STAU2: variants seen among roughly 807,000 people sequenced by gnomAD.
STAU2 encodes the protein staufen double-stranded RNA binding protein 2.
A neutral mutation model predicts 65.9 loss-of-function variants in STAU2; 20 were observed. That is an observed-to-expected ratio of 0.30 (90% CI 0.21 to 0.44). The LOEUF is 0.44. Among genes scored for constraint, STAU2 ranks in the 20% least tolerant of loss-of-function variants. The probability of loss-of-function intolerance (pLI) is 1.00; values close to 1 mark genes in which losing one functional copy is unlikely to be tolerated. For missense variants in STAU2, 558 were observed against 683.9 expected (o/e 0.82, Z 2.05); for synonymous variants, 232 against 233.9 (o/e 0.99, Z 0.07).
At chr8:73,427,134 G>T (rs1187710424) in intron 13 of STAU2, among the ~76,000 whole-genome samples, 1 of 151,894 alleles carries the variant, frequency 6.6e-6, no homozygotes, top group African/African-American at 2.4e-5. Flanking sequence ...CTCCATGTTG[G>T]TCAGGCTGGT....
At chr8:73,472,935 T>C (rs1408284309) in intron 13 of STAU2, among the ~76,000 whole-genome samples, 1 of 152,202 alleles carries the variant, frequency 6.6e-6, no homozygotes, top group East Asian at 1.9e-4. Flanking sequence ...TGGTGAAAAC[T>C]AGCTCAGTTA....
intron 13 of STAU2, among the ~76,000 whole-genome samples, chr8:73,453,778 C>CT (rs987356179): frequency 8.0e-5 from 12 of 150,020 alleles, no homozygotes; most frequent in Non-Finnish European, 1.6e-4. Flanking sequence ...CAAATAACAT[C>CT]TTTTTTTTAA....
At chr8:73,646,898 G>A in intron 6 of STAU2, among the ~76,000 whole-genome samples, 1 of 149,958 alleles carries the variant, frequency 6.7e-6, no homozygotes. Context: ...TATAGAAAAT[G>A]TGCATAAGAC....
chr8:73,450,256 G>A (rs1342727595), intron 13 of STAU2, among the ~76,000 whole-genome samples: 1 of 152,200 alleles, frequency 6.6e-6, no homozygotes, highest in Non-Finnish European at 1.5e-5. Context: ...TTTATGACTA[G>A]AGCAAAAACT....
intron 12 of STAU2, among the ~76,000 whole-genome samples, chr8:73,571,107 C>T (rs550465822): frequency 4.6e-5 from 7 of 152,002 alleles, no homozygotes; most frequent in East Asian, 1.9e-4. Context: ...TAGTCTCTGA[C>T]AAAACAGACT....
At chr8:73,738,693 C>T (rs1056877491) in intron 2 of STAU2, among the ~76,000 whole-genome samples, 1 of 152,154 alleles carries the variant, frequency 6.6e-6, no homozygotes, top group African/African-American at 2.4e-5. Context: ...CTAAGACAAT[C>T]CCAACAAAAG....
intron 13 of STAU2, among the ~76,000 whole-genome samples, chr8:73,445,270 A>C (rs1818408357): frequency 1.3e-5 from 2 of 152,208 alleles, no homozygotes. Flanking sequence ...GTTGCACTCC[A>C]CTTTGCAGTC....
In STAU2 at chr8:73,627,222, GA is replaced by G. The variant is rs1345582997; in HGVS notation, c.411-9772del. On this transcript the variant is annotated intron_variant, in intron 6 of 14. Transcript: ENST00000524300. Reference sequence around the variant, plus strand: ...CAGGAATACGGCGGGGGGGGGGGGGGAGGGGGGGGCAGGAGGGCGGGTTCCC... The same window carrying G: ...CAGGAATACGGCGGGGGGGGGGGGGGGGGGGGGGCAGGAGGGCGGGTTCCC... Among the ~76,000 whole-genome samples the G allele has an allele frequency of 6.1e-4, 32 of 52,516 alleles. 2 individuals carry two copies. Among genetic ancestry groups the G allele is most frequent in the African/African-American group, 1.9e-3 (26 of 13,366 alleles). The allele number at this position is 52,516 out of a possible 152,430, so 34.5% of individuals were successfully genotyped here.
At chr8:73,570,918 G>A (rs1809030836) in intron 12 of STAU2, among the ~76,000 whole-genome samples, 1 of 152,008 alleles carries the variant, frequency 6.6e-6, no homozygotes, top group African/African-American at 2.4e-5. Context: ...TTTAGTAAAT[G>A]GGCTAAATGC....
chr8:73,704,068 AATG>A (rs1820316977), intron 4 of STAU2, among the ~76,000 whole-genome samples: 1 of 152,182 alleles, frequency 6.6e-6, no homozygotes, highest in Admixed American at 6.5e-5. Context: ...ATAGAAAGAA[AATG>A]ATGATTTCAT....
intron 4 of STAU2, among the ~76,000 whole-genome samples, chr8:73,700,288 G>GT (rs1205431977): frequency 1.3e-5 from 2 of 151,950 alleles, no homozygotes; most frequent in Non-Finnish European, 2.9e-5. Context: ...TTTCACCACT[G>GT]TTATTCAACA....
intron 12 of STAU2, among the ~76,000 whole-genome samples, chr8:73,562,330 T>C (rs1028775743): frequency 4.6e-5 from 7 of 151,924 alleles, no homozygotes; most frequent in African/African-American, 1.7e-4. Context: ...CATAAAAAAT[T>C]AAAACTTTAG....
chr8:73,524,592 T>C (rs1300214999), intron 13 of STAU2, among the ~76,000 whole-genome samples: 2 of 152,180 alleles, frequency 1.3e-5, no homozygotes, highest in African/African-American at 2.4e-5. Flanking sequence ...AGATAAGCTA[T>C]AAAGGCTCAA....
At chr8:73,484,020 G>A (rs139773448) in intron 13 of STAU2, among the ~76,000 whole-genome samples, 49 of 152,254 alleles carry the variant, frequency 3.2e-4, no homozygotes, top group Admixed American at 8.5e-4. Context: ...AGTCATATCC[G>A]GAGTTAGTCT....
At chr8:73,647,174 T>C (rs1815452739) in intron 6 of STAU2, among the ~76,000 whole-genome samples, 1 of 152,196 alleles carries the variant, frequency 6.6e-6, no homozygotes, top group South Asian at 2.1e-4. Flanking sequence ...GTGTAGCAGT[T>C]TCCTAGAACA....
intron 10 of STAU2, among the ~76,000 whole-genome samples, chr8:73,600,078 C>A (rs184911230): frequency 6.6e-6 from 1 of 152,238 alleles, no homozygotes; most frequent in East Asian, 1.9e-4. Flanking sequence ...TCCAACAGTA[C>A]TTTTAAGCTT....
chr8:73,660,237 C>G (rs1816726301), intron 6 of STAU2, among the ~76,000 whole-genome samples: 1 of 152,166 alleles, frequency 6.6e-6, no homozygotes, highest in African/African-American at 2.4e-5. Context: ...CAAGACCAGC[C>G]TGACCAACAT....
At chr8:73,627,231 G>GGGGGGGGGGGGGGGGGT (rs1563467173) in intron 6 of STAU2, among the ~76,000 whole-genome samples, 1 of 27,234 alleles carries the variant, frequency 3.7e-5, no homozygotes, top group Non-Finnish European at 9.2e-5. Flanking sequence ...GGAGGGGGGG[G>GGGGGGGGGGGGGGGGGT]CAGGAGGGCG....
chr8:73,453,093 T>C (rs1818887234), intron 13 of STAU2, among the ~76,000 whole-genome samples: 4 of 152,196 alleles, frequency 2.6e-5, no homozygotes, highest in South Asian at 4.1e-4. Flanking sequence ...CAAGGAGACA[T>C]TGAAAAAGAA....
Sources: allele counts gnomAD v4.1 joint callset (sites outside exome capture counted in the v4.1 genomes callset), GRCh38; gene constraint gnomAD v4.1.1; transcripts MANE v1.5; gene names NCBI Gene and HGNC (gene_info 2026-07-23, HGNC 2026-07-21).